The following VPS53 variants were observed in gnomAD, a reference collection of about 807,000 sequenced individuals.
VPS53 encodes vacuolar protein sorting-associated protein 53 homolog.
Under a neutral mutation model 107.0 loss-of-function variants are expected in VPS53, and 70 were observed. That is an observed-to-expected ratio of 0.65 (90% CI 0.54 to 0.80). The LOEUF (loss-of-function observed/expected upper bound fraction) is 0.80. Among genes scored for constraint, VPS53 ranks in the 30% least tolerant of loss-of-function variants. The probability of loss-of-function intolerance (pLI) is 0.00; values close to 1 mark genes in which losing one functional copy is unlikely to be tolerated. For missense variants in VPS53, 917 were observed against 1,049.4 expected (o/e 0.87, Z 1.74); for synonymous variants, 409 against 393.3 (o/e 1.04, Z -0.47).
chr17:574,655 C>T (rs1227849520), intron 13 of VPS53, among the ~76,000 whole-genome samples: 4 of 152,108 alleles, frequency 2.6e-5, no homozygotes, highest in Non-Finnish European at 4.4e-5. Context: ...GTCTCAGCTA[C>T]TTGAGAGGCT....
chr17:519,281 C>T lies in VPS53; in HGVS notation c.2346G>A (p.Glu782=). The change falls in exon 22 of 22, where the codon GAG becomes GAA. Residue 782 remains glutamate (E), a synonymous_variant. Coordinates refer to ENST00000437048, the MANE Select transcript of VPS53 (RefSeq NM_001128159.3). This position sits in a 1 kb window ranked among gnomAD's most constrained non-coding sequence, Gnocchi z 5.0. Reference sequence around the variant, plus strand: ...GCAGGAGTTCCAGCATGCTGCTCTGCTCACTCCTCTTCAGCCCCTGAGGTT... The same window carrying T: ...GCAGGAGTTCCAGCATGCTGCTCTGTTCACTCCTCTTCAGCCCCTGAGGTT... ...ILDMKGLKRS[E]QSSMLELLRQ... The T allele has an allele frequency of 6.6e-7, 1 of 1,508,562 alleles. No homozygotes were observed. Among genetic ancestry groups the T allele is most frequent in the Non-Finnish European group, 8.9e-7 (1 of 1,128,912 alleles). 93.4% of individuals were successfully genotyped at this position (1,508,562 alleles called of 1,614,324 possible).
intron 13 of VPS53, among the ~76,000 whole-genome samples, chr17:564,024 C>A (rs372805029): frequency 6.6e-6 from 1 of 152,132 alleles, no homozygotes. Flanking sequence ...CCGAGGCGGG[C>A]AGATCACTTG....
At chr17:531,169 A>C (rs1273564049) in intron 19 of VPS53, among the ~76,000 whole-genome samples, 1 of 152,210 alleles carries the variant, frequency 6.6e-6, no homozygotes, top group Non-Finnish European at 1.5e-5. Context: ...CCCAGACATC[A>C]GGGCAAGTAC....
intron 2 of VPS53, among the ~76,000 whole-genome samples, chr17:709,720 C>A (rs765068027): frequency 4.6e-5 from 7 of 152,294 alleles, no homozygotes; most frequent in Middle Eastern, 6.8e-3. Context: ...ACTCTCACTG[C>A]CCTTCTCCCA....
intron 1 of VPS53, among the ~76,000 whole-genome samples, chr17:710,894 G>A (rs1378806531): frequency 2.0e-5 from 3 of 151,326 alleles, no homozygotes; most frequent in Non-Finnish European, 2.9e-5. Flanking sequence ...ACAGTGAGCC[G>A]AGATCACACC....
intron 4 of VPS53, 130 bp downstream of exon 4, chr17:697,288 T>C (rs892851993): frequency 1.2e-6 from 1 of 810,120 alleles, no homozygotes; most frequent in Non-Finnish European, 2.1e-6. Context: ...GCCTGCCCTG[T>C]CTTGTCCTGC....
intron 14 of VPS53, among the ~76,000 whole-genome samples, chr17:561,942 G>A (rs1453914140): frequency 1.3e-5 from 2 of 152,154 alleles, no homozygotes; most frequent in East Asian, 3.8e-4. Flanking sequence ...TAATGCCTCA[G>A]GATAACACAA....
Position 537,117 on chromosome 17 carries a change from A to G in VPS53, c.1926T>C (p.Ile642=). 1 of 1,614,054 alleles carries G rather than the reference A, an allele frequency of 6.2e-7. No homozygotes were observed. Among genetic ancestry groups the G allele is most frequent in the East Asian group, 2.2e-5 (1 of 44,846 alleles). Residue 642 remains isoleucine (I), a synonymous_variant, in exon 18 of 22, where the codon ATT becomes ATC. Transcript: ENST00000437048. Reference sequence around the variant, plus strand: ...TGGGGACGTTCTGCTTGATGTGCAGAATGACAGAGGTGACGTAGGGGCTCT... The same window carrying G: ...TGGGGACGTTCTGCTTGATGTGCAGGATGACAGAGGTGACGTAGGGGCTCT... The part of the protein sequence containing the change: ...GDQSPYVTSV[I]LHIKQNVPII...
At chr17:633,921 G>A (rs1970072258) in intron 7 of VPS53, among the ~76,000 whole-genome samples, 1 of 152,100 alleles carries the variant, frequency 6.6e-6, no homozygotes, top group Non-Finnish European at 1.5e-5. Flanking sequence ...AGAGGCTCAG[G>A]CCCCCCCTGT....
At chr17:522,605 TATTC>T (rs1410264973) in intron 19 of VPS53, among the ~76,000 whole-genome samples, 1 of 152,260 alleles carries the variant, frequency 6.6e-6, no homozygotes, top group Non-Finnish European at 1.5e-5. Flanking sequence ...AAATCCTGAT[TATTC>T]ATTAGGCAAA....
chr17:519,382 T>C lies in VPS53; in HGVS notation c.2329-84A>G. On this transcript the variant is annotated intron_variant, in intron 21 of 21. Transcript: ENST00000437048. This position sits in a 1 kb window ranked among gnomAD's most constrained non-coding sequence, Gnocchi z 5.0. ...GACAGCGCAGTATCTGGATATGGGG[T>C]CAGCAGAGGCTCTGGAGACAGCATA... 1 of 1,334,392 alleles carries C rather than the reference T, an allele frequency of 7.5e-7. No individual in the cohort carries two copies. The highest frequency in any genetic ancestry group is 9.9e-7 in the Non-Finnish European group (1 of 1,014,152). The allele number at this position is 1,334,392 out of a possible 1,614,324, so 82.7% of individuals were successfully genotyped here.
At position 623,592 on chromosome 17, in the gene VPS53, T is replaced by A; in HGVS notation, c.1057A>T (p.Asn353Tyr). 6.2e-7 allele frequency: 1 copy of A among 1,613,998 alleles called. No homozygotes were observed. Among genetic ancestry groups the A allele is most frequent in the Admixed American group, 1.7e-5 (1 of 60,018 alleles). ...CGTTTTGCAAGAAACCCCTCAAAGTTAGTTGTTCTTTGAATAGCAAAAAGA... is the reference window on the plus strand; with the variant it reads ...CGTTTTGCAAGAAACCCCTCAAAGTAAGTTGTTCTTTGAATAGCAAAAAGA... ...LLLFAIQRTT[N>Y]FEGFLAKRFS... Residue 353 changes from asparagine to tyrosine, a missense_variant, in exon 11 of 22, where the codon AAC becomes TAC. By Grantham distance (143) the Asn-to-Tyr change is moderately radical. Transcript: ENST00000437048.
rs73281398 is a variant in VPS53, at chr17:677,186, G to A, written c.286-15291C>T. Among the ~76,000 whole-genome samples the A allele has an allele frequency of 1.0e-2, 1,516 of 152,252 alleles. 25 individuals carry two copies. Among genetic ancestry groups the A allele is most frequent in the African/African-American group, 0.034 (1,418 of 41,536 alleles). On this transcript the variant is annotated intron_variant, in intron 4 of 21. Transcript: ENST00000437048. ...CATCACTGTTCACAAAAGCCAAATG[G>A]TGGAAACAATCCAAGTGTCCATGGA...
intron 13 of VPS53, among the ~76,000 whole-genome samples, chr17:573,523 T>A (rs1914351208): frequency 6.6e-6 from 1 of 152,026 alleles, no homozygotes; most frequent in Non-Finnish European, 1.5e-5. Context: ...TCAAGAGAAA[T>A]CTGGCCACAC....
At chr17:543,355 T>C (rs888236549) in intron 17 of VPS53, among the ~76,000 whole-genome samples, 5 of 152,240 alleles carry the variant, frequency 3.3e-5, no homozygotes, top group African/African-American at 9.6e-5. Context: ...AATGGGTACA[T>C]GTTCACAATC....
chr17:555,569 A>G (rs1034428994), intron 15 of VPS53, among the ~76,000 whole-genome samples: 5 of 151,876 alleles, frequency 3.3e-5, no homozygotes, highest in African/African-American at 1.2e-4. Flanking sequence ...TCCTGACCTC[A>G]GGTGATCCAC....
At chr17:624,319 T>C (rs1969597456) in intron 10 of VPS53, among the ~76,000 whole-genome samples, 1 of 152,136 alleles carries the variant, frequency 6.6e-6, no homozygotes, top group Non-Finnish European at 1.5e-5. Context: ...GGCCCAATAA[T>C]CATCTCTTCA....
chr17:640,918 A>C (rs963320409), intron 7 of VPS53, among the ~76,000 whole-genome samples: 4 of 151,966 alleles, frequency 2.6e-5, no homozygotes, highest in African/African-American at 9.7e-5. Context: ...GCAATGGGAT[A>C]ATCTCGGCTC....
At chr17:548,913 A>G (rs1436717241) in intron 17 of VPS53, among the ~76,000 whole-genome samples, 2 of 152,162 alleles carry the variant, frequency 1.3e-5, no homozygotes, top group Non-Finnish European at 2.9e-5. Flanking sequence ...CCACTTCCTT[A>G]CGAGGGCCTT....
Sources: gnomAD v4.1 joint callset for allele counts (sites outside exome capture counted in the v4.1 genomes callset) on GRCh38, gnomAD v4.1.1 for gene constraint, Gnocchi (gnomAD v3.1) non-coding constraint, MANE v1.5 for transcripts, NCBI Gene and HGNC (gene_info 2026-07-23, HGNC 2026-07-21) for gene names.